The following ZBTB11 variants were observed in gnomAD, a reference collection of about 807,000 sequenced individuals.
The protein encoded by ZBTB11 is zinc finger and BTB domain containing 11.
In ZBTB11, 68 loss-of-function variants were observed where a neutral mutation model predicts 113.1. The ratio of observed to expected loss-of-function variants is 0.60; its 90% CI spans 0.49 to 0.74. ZBTB11 has a LOEUF of 0.74. Among genes scored for constraint, ZBTB11 ranks in the 30% least tolerant of loss-of-function variants. The probability of loss-of-function intolerance (pLI) is 0.00; values close to 1 mark genes in which losing one functional copy is unlikely to be tolerated. For synonymous variants in ZBTB11, 518 were observed against 452.6 expected (o/e 1.14, Z -1.83); for missense variants, 1,104 against 1,279.4 (o/e 0.86, Z 2.09).
rs1359317751 is a variant in ZBTB11, at chr3:101,665,017, T to C, written c.1570A>G (p.Met524Val). 3.1e-6 allele frequency: 5 copies of C among 1,613,352 alleles called. No individual in the cohort carries two copies. In the African/African-American group the frequency reaches 6.7e-5, roughly 22 times the overall value. ...TTCCGTTTCTGCAGCTTTTTCTCCA[T>C]TCCCTTGTGTAGTCGAATATATGCC... ...EGAYIRLHKG[M>V]EKKLQKRKAV... Residue 524 changes from methionine (M) to valine (V), a missense_variant, in exon 4 of 11, where the codon ATG (methionine) becomes GTG (valine). Met to Val is a conservative substitution (Grantham distance 21). Coordinates refer to ENST00000312938, the MANE Select transcript of ZBTB11 (RefSeq NM_014415.4).
intron 8 of ZBTB11, among the ~76,000 whole-genome samples, chr3:101,654,424 G>A (rs963044215): frequency 1.3e-5 from 2 of 152,140 alleles, no homozygotes; most frequent in African/African-American, 4.8e-5. Context: ...AAGAAGAGGG[G>A]GGGAAAGAAA....
chr3:101,672,990 C>T (rs574232011), intron 1 of ZBTB11, among the ~76,000 whole-genome samples: 2 of 152,158 alleles, frequency 1.3e-5, no homozygotes, highest in Non-Finnish European at 2.9e-5. Flanking sequence ...AACAGGACTA[C>T]TACAAAACTT....
Position 101,664,484 on chromosome 3 carries a change from GATTCTATAT to G in ZBTB11, c.1800+45_1800+53del, listed in dbSNP as rs1289232919. On this transcript the variant is annotated intron_variant, in intron 5 of 10. Coordinates refer to ENST00000312938, the MANE Select transcript of ZBTB11 (RefSeq NM_014415.4). ...GAAAAGATAACCATGCAGTAAGTTG[GATTCTATAT>G]ATTATGAATTAGAGTTACCTTCAAT... The G allele has an allele frequency of 9.3e-6, 14 of 1,503,706 alleles. No individual in the cohort carries two copies. The African/African-American group carries it at 1.8e-4, about 20-fold the overall frequency. The allele number at this position is 1,503,706 out of a possible 1,614,324, so 93.1% of individuals were successfully genotyped here. A position where few individuals can be genotyped will look rare whatever the true frequency, so the allele number is the denominator to read the frequency against.
Position 101,659,828 on chromosome 3 carries a change from T to G in ZBTB11, c.2001A>C (p.Arg667=), listed in dbSNP as rs552265729. 1.2e-6 allele frequency: 2 copies of G among 1,614,214 alleles called. No homozygotes were observed. The highest frequency in any genetic ancestry group is 1.7e-6 in the Non-Finnish European group (2 of 1,180,032). ...CACCTGTGTGCTTTAACATATGTAT[T>G]CGGAGAGAATATAATTTAGGTAATG... is the stretch of plus-strand genomic sequence containing the variant. ...GRTLPKLYSL[R]IHMLKHTGVK... Residue 667 remains arginine, a synonymous_variant, in exon 6 of 11, where the codon CGA becomes CGC. Coordinates refer to ENST00000312938, the MANE Select transcript of ZBTB11 (RefSeq NM_014415.4).
rs1471703598 is a variant in ZBTB11 at position 101,656,185 on chromosome 3, G to GT, written c.2109dup (p.Gln704ThrfsTer7). ...CACAGTTCACACTGGAACTGCTTCT[G>GT]TGATTGATGAAGACTCTGATGTAAT... On this transcript the variant is annotated frameshift_variant, in exon 7 of 11. Coordinates refer to ENST00000312938, the MANE Select transcript of ZBTB11 (RefSeq NM_014415.4). LOFTEE classifies it high-confidence loss of function. 6.2e-7 allele frequency: 1 copy of GT among 1,602,138 alleles called. No individual in the cohort carries two copies. Among genetic ancestry groups the GT allele is most frequent in the Admixed American group, 1.7e-5 (1 of 58,122 alleles).
In ZBTB11 at chr3:101,650,200, A is replaced by C. The variant is rs1292153792; in HGVS notation, c.*966T>G. The C allele has an allele frequency of 6.6e-6, 1 of 152,190 alleles. No homozygotes were observed. Among genetic ancestry groups the C allele is most frequent in the Non-Finnish European group, 1.5e-5 (1 of 68,016 alleles). The allele number at this position is 152,190 out of a possible 1,614,324, so 9.4% of individuals were successfully genotyped here. On this transcript the variant is annotated 3_prime_UTR_variant, in exon 11 of 11. Coordinates refer to ENST00000312938, the MANE Select transcript of ZBTB11 (RefSeq NM_014415.4). The stretch of plus-strand genomic sequence containing the variant: ...ACATGGTATCCACAGAGCTGCTGTG[A>C]ATGTCTATATTGCTATCTGATTTCT...
At chr3:101,669,880 G>A (rs1307712931) in intron 3 of ZBTB11, among the ~76,000 whole-genome samples, 2 of 151,330 alleles carry the variant, frequency 1.3e-5, no homozygotes, top group South Asian at 2.1e-4. Context: ...CCAGGCTGGA[G>A]TGCAATGGTG....
chr3:101,669,833 T>TC (rs1177277124), intron 3 of ZBTB11, among the ~76,000 whole-genome samples: 1 of 150,792 alleles, frequency 6.6e-6, no homozygotes, highest in African/African-American at 2.4e-5. Context: ...ATTAGTGCTT[T>TC]TTTTTTTTTT....
intron 5 of ZBTB11, among the ~76,000 whole-genome samples, chr3:101,660,663 A>G (rs369152304): frequency 1.3e-5 from 2 of 151,362 alleles, no homozygotes; most frequent in East Asian, 3.9e-4. Flanking sequence ...TTGCATTTTT[A>G]CTCCTCTACT....
chr3:101,653,312 A>C (rs1283995584), intron 8 of ZBTB11, among the ~76,000 whole-genome samples: 1 of 152,192 alleles, frequency 6.6e-6, no homozygotes, highest in Non-Finnish European at 1.5e-5. Context: ...TAAATTAATC[A>C]CAACAAAGCA....
Position 101,649,997 on chromosome 3 carries a change from T to C in ZBTB11, c.*1169A>G, listed in dbSNP as rs1576641436. 1 of 152,580 alleles carries C rather than the reference T, an allele frequency of 6.6e-6. No homozygotes were observed. Among genetic ancestry groups the C allele is most frequent in the East Asian group, 1.9e-4 (1 of 5,198 alleles). 9.5% of individuals were successfully genotyped at this position (152,580 alleles called of 1,614,324 possible). ...TTATTTTCAAAGTCAGAAAATTGGA[T>C]AGCTTGAGGAGGTGGGATTTAAAAA... On this transcript the variant is annotated 3_prime_UTR_variant, in exon 11 of 11. Transcript: ENST00000312938.
chr3:101,650,212 GCTAT>G lies in ZBTB11; in HGVS notation c.*950_*953del, dbSNP rs1169592062. ...CAGAGCTGCTGTGAATGTCTATATT[GCTAT>G]CTGATTTCTCAACTGCAGTTTTTCA... On this transcript the variant is annotated 3_prime_UTR_variant, in exon 11 of 11. Coordinates refer to ENST00000312938, the MANE Select transcript of ZBTB11 (RefSeq NM_014415.4). The G allele has an allele frequency of 6.6e-6, 1 of 152,070 alleles. No individual in the cohort carries two copies. The allele number at this position is 152,070 out of a possible 1,614,324, so 9.4% of individuals were successfully genotyped here.
rs1206593495 is a variant in ZBTB11, at chr3:101,671,366, C to G, written c.547-5G>C. ...TACCACTCCTTTGGTGTCAACCTGT[C>G]AAAATAAGTTTGAGAGCAAGAGTAA... On this transcript the variant is annotated splice_region_variant and splice_polypyrimidine_tract_variant and intron_variant, in intron 2 of 10. Coordinates refer to ENST00000312938, the MANE Select transcript of ZBTB11 (RefSeq NM_014415.4). 2 of 1,611,766 alleles carry G rather than the reference C, an allele frequency of 1.2e-6. No individual in the cohort carries two copies. Among genetic ancestry groups the G allele is most frequent in the Admixed American group, 1.7e-5 (1 of 59,912 alleles).
intron 3 of ZBTB11, 121 bp from the exon 4 acceptor site, chr3:101,665,929 T>C (rs1576649974): frequency 9.8e-7 from 1 of 1,019,582 alleles, no homozygotes; most frequent in Non-Finnish European, 1.4e-6. Flanking sequence ...CAACTAATCA[T>C]CCCTGGATTT....
intron 5 of ZBTB11, 45 bp downstream of exon 5, chr3:101,664,493 T>C (rs1460995930): frequency 1.9e-6 from 3 of 1,541,888 alleles, no homozygotes; most frequent in African/African-American, 1.4e-5. Flanking sequence ...GGATTCTATA[T>C]ATTATGAATT....
intron 3 of ZBTB11, among the ~76,000 whole-genome samples, chr3:101,669,680 A>G (rs1460275057): frequency 1.3e-5 from 2 of 150,560 alleles, no homozygotes; most frequent in Non-Finnish European, 3.0e-5. Context: ...CCAAACCCAG[A>G]AAAAAAAAAT....
rs780975458 is a variant in ZBTB11 at position 101,651,649 on chromosome 3, T to C, written c.2679A>G (p.Val893=). 5 of 1,580,034 alleles carry C rather than the reference T, an allele frequency of 3.2e-6. No individual in the cohort carries two copies. The highest frequency in any genetic ancestry group is 2.8e-5 in the African/African-American group (2 of 71,274). ...TTAGAGATCGGGCATCAGCCCAAGC[T>C]ACTCCACATGTTAAGCACTCAAATG... The part of the protein sequence containing the change: ...VKPFECLTCG[V]AWADARSLKR... Residue 893 remains valine (V), a synonymous_variant, in exon 11 of 11, where the codon GTA becomes GTG. Transcript: ENST00000312938.
Position 101,665,102 on chromosome 3 carries a change from G to A in ZBTB11, c.1485C>T (p.Asp495=). 6.2e-7 allele frequency: 1 copy of A among 1,614,066 alleles called. No individual in the cohort carries two copies. Among genetic ancestry groups the A allele is most frequent in the South Asian group, 1.1e-5 (1 of 91,084 alleles). Residue 495 remains aspartate (D), a synonymous_variant, in exon 4 of 11, where the codon GAC becomes GAT. Transcript: ENST00000312938. Reference sequence around the variant, plus strand: ...TATAAGTATCATCATCAGGGCCAAAGTCTGTCTTTGCTGTTGATGCAACTA... The same window carrying A: ...TATAAGTATCATCATCAGGGCCAAAATCTGTCTTTGCTGTTGATGCAACTA... ...ENLVASTAKT[D]FGPDDDTYRS... is the part of the protein sequence containing the mutation.
chr3:101,659,713 C>T, intron 6 of ZBTB11, 70 bp downstream of exon 6: 1 of 1,559,360 alleles, frequency 6.4e-7, no homozygotes. Flanking sequence ...ACATATCCCA[C>T]CAGTCTCTTT....
Sources: allele counts gnomAD v4.1 joint callset (sites outside exome capture counted in the v4.1 genomes callset), GRCh38; gene constraint gnomAD v4.1.1; transcripts MANE v1.5; gene names NCBI Gene and HGNC (gene_info 2026-07-23, HGNC 2026-07-21).